Variants in SNCAIP observed in about 807,000 individuals in gnomAD.
SNCAIP encodes synuclein alpha interacting protein.
Under a neutral mutation model 86.7 loss-of-function variants are expected in SNCAIP, and 43 were observed. The ratio of observed to expected loss-of-function variants is 0.50; its 90% confidence interval spans 0.39 to 0.64. SNCAIP has a LOEUF of 0.64. Ranked by LOEUF, SNCAIP falls within the 30% of genes least tolerant of loss-of-function variation. The pLI is 0.00. For synonymous variants in SNCAIP, 417 were observed against 427.2 expected, an observed-to-expected ratio of 0.98 and a Z score of 0.29; for missense variants, 981 against 1,103.1, an observed-to-expected ratio of 0.89 and a Z score of 1.57.
intron 2 of SNCAIP, among the ~76,000 whole-genome samples, chr5:122,394,168 G>A (rs1770083722): frequency 6.6e-6 from 1 of 151,890 alleles, no homozygotes; most frequent in Non-Finnish European, 1.5e-5. Flanking sequence ...GGAGGGGGAG[G>A]AAACTGCACA....
chr5:122,394,835 C>CT (rs908314270), intron 2 of SNCAIP, among the ~76,000 whole-genome samples: 1 of 152,186 alleles, frequency 6.6e-6, no homozygotes, highest in African/African-American at 2.4e-5. Flanking sequence ...GAGATAAACT[C>CT]TTTAACTAAG....
intron 1 of SNCAIP, among the ~76,000 whole-genome samples, chr5:122,358,756 C>T (rs1295263506): frequency 6.6e-6 from 1 of 152,028 alleles, no homozygotes; most frequent in African/African-American, 2.4e-5. Flanking sequence ...TTGCAGCACC[C>T]TATATCATAC....
intron 2 of SNCAIP, among the ~76,000 whole-genome samples, chr5:122,392,579 A>G (rs1374934701): frequency 1.3e-5 from 2 of 152,182 alleles, no homozygotes; most frequent in Non-Finnish European, 2.9e-5. Flanking sequence ...TGTTGTAGAA[A>G]GGGAAACTGT....
chr5:122,400,481 T>TA (rs565531261), intron 2 of SNCAIP, among the ~76,000 whole-genome samples: 4 of 152,198 alleles, frequency 2.6e-5, no homozygotes, highest in Non-Finnish European at 5.9e-5. Context: ...GCCATGCACA[T>TA]ATACAAGTCA....
intron 7 of SNCAIP, chr5:122,444,327 A>C (rs558995568): frequency 1.6e-5 from 9 of 574,752 alleles, no homozygotes; most frequent in Non-Finnish European, 2.9e-5. Context: ...AGAGCACACT[A>C]TGGACAGCCT....
chr5:122,331,802 C>A (rs931599495), intron 1 of SNCAIP, among the ~76,000 whole-genome samples: 13 of 152,234 alleles, frequency 8.5e-5, no homozygotes, highest in African/African-American at 3.1e-4. Flanking sequence ...CTTACCCTAA[C>A]TTAACATGTC....
intron 3 of SNCAIP, among the ~76,000 whole-genome samples, chr5:122,415,463 A>G (rs554339672): frequency 6.6e-6 from 1 of 152,244 alleles, no homozygotes; most frequent in Non-Finnish European, 1.5e-5. Flanking sequence ...TACCCTAAAG[A>G]CATACCCCAT....
At chr5:122,434,339 C>G (rs1368999885) in intron 6 of SNCAIP, among the ~76,000 whole-genome samples, 1 of 152,138 alleles carries the variant, frequency 6.6e-6, no homozygotes, top group Non-Finnish European at 1.5e-5. Flanking sequence ...ATTGGGCATT[C>G]GGCATGCTTT....
chr5:122,401,658 T>C (rs550929776), intron 2 of SNCAIP, among the ~76,000 whole-genome samples: 1 of 152,212 alleles, frequency 6.6e-6, no homozygotes, highest in Non-Finnish European at 1.5e-5. Context: ...TGAAAATATA[T>C]GCCTTCACCA....
chr5:122,425,297 C>T (rs986508821), intron 4 of SNCAIP, 55 bp from the exon 5 acceptor site: 1 of 1,391,572 alleles, frequency 7.2e-7, no homozygotes, highest in East Asian at 2.3e-5. Flanking sequence ...AAAACTCCTA[C>T]AGGGTCTTGC....
chr5:122,424,921 G>T (rs1232865685), intron 4 of SNCAIP, among the ~76,000 whole-genome samples: 1 of 152,182 alleles, frequency 6.6e-6, no homozygotes, highest in Non-Finnish European at 1.5e-5. Flanking sequence ...GCCATAGCCA[G>T]TTCTCTACAA....
intron 1 of SNCAIP, chr5:122,371,810 C>G (rs1012149849): frequency 6.6e-6 from 1 of 152,168 alleles, no homozygotes; most frequent in African/African-American, 2.4e-5. Context: ...AAGATTAAAT[C>G]AGATTAAAAT....
At chr5:122,315,606 G>C (rs1751541697) in intron 1 of SNCAIP, among the ~76,000 whole-genome samples, 2 of 152,156 alleles carry the variant, frequency 1.3e-5, no homozygotes, top group Non-Finnish European at 2.9e-5. Flanking sequence ...AAAATAATAT[G>C]TTAGGAGAGC....
intron 3 of SNCAIP, among the ~76,000 whole-genome samples, chr5:122,408,211 G>A (rs764382942): frequency 3.3e-5 from 5 of 152,186 alleles, no homozygotes; most frequent in Admixed American, 6.5e-5. Context: ...TGGTCTGCTC[G>A]GAAACCTGTC....
rs576617650 is a variant in SNCAIP, at chr5:122,334,565, C to A, written c.-47+22281C>A. Among the ~76,000 whole-genome samples the A allele has an allele frequency of 1.1e-4, 17 of 152,236 alleles. 1 individual carries two copies. The South Asian group carries it at 3.5e-3, about 32-fold the overall frequency. On this transcript the variant is annotated intron_variant, in intron 1 of 10. Transcript: ENST00000261368. ...TACAGCAGAGAGGTGACATGCCGTG[C>A]GACTAGCACAGGTTCTTGTCAGTGG...
chr5:122,334,577 G>A (rs920920629), intron 1 of SNCAIP, among the ~76,000 whole-genome samples: 4 of 152,236 alleles, frequency 2.6e-5, no homozygotes, highest in African/African-American at 7.2e-5. Context: ...ACTAGCACAG[G>A]TTCTTGTCAG....
chr5:122,316,042 T>A (rs1751649524), intron 1 of SNCAIP, among the ~76,000 whole-genome samples: 1 of 152,112 alleles, frequency 6.6e-6, no homozygotes, highest in Non-Finnish European at 1.5e-5. Flanking sequence ...AGGAGAAAAA[T>A]TCAGTTCCAG....
In SNCAIP at chr5:122,450,866, G is replaced by A. The variant is rs762492839; in HGVS notation, c.2019G>A (p.Arg673=). The A allele has an allele frequency of 1.2e-6, 2 of 1,614,064 alleles. No individual in the cohort carries two copies. The highest frequency in any genetic ancestry group is 1.1e-5 in the South Asian group (1 of 91,074). Residue 673 remains arginine, a synonymous_variant, in exon 10 of 11, where the codon AGG becomes AGA. Transcript: ENST00000261368. ...KLARLRQLMQ[R]SLSESDTDSN... The stretch of plus-strand genomic sequence containing the variant: ...CCAGGCTGAGACAGCTGATGCAGAG[G>A]TCACTGAGTGAGTCTGACACAGACT...
At chr5:122,403,669 A>G in intron 2 of SNCAIP, 124 bp from the exon 3 acceptor site, 1 of 836,232 alleles carries the variant, frequency 1.2e-6, no homozygotes, top group East Asian at 2.4e-5. Flanking sequence ...AAATGAGATA[A>G]ATTTTCTGAA....
Sources: gnomAD v4.1 joint callset for allele counts (sites outside exome capture counted in the v4.1 genomes callset) on GRCh38, gnomAD v4.1.1 for gene constraint, MANE v1.5 for transcripts, NCBI Gene and HGNC (gene_info 2026-07-23, HGNC 2026-07-21) for gene names.